The following BICRA variants were observed in gnomAD, a reference collection of about 807,000 sequenced individuals.
The protein encoded by BICRA is BRD4 interacting chromatin remodeling complex associated protein.
BICRA carries 31 observed loss-of-function variants against 96.9 expected under a neutral mutation model. That is an observed-to-expected ratio of 0.32 (90% CI 0.24 to 0.43). The LOEUF is 0.43. Ranked by LOEUF, BICRA falls within the 20% of genes least tolerant of loss-of-function variation. BICRA has a pLI of 1.00. For synonymous variants in BICRA, 1,350 were observed against 1,071.8 expected, an observed-to-expected ratio of 1.26 and a Z score of -5.07; for missense variants, 2,283 against 2,190.3, an observed-to-expected ratio of 1.04 and a Z score of -0.84.
At chr19:47,654,314 T>C (rs1972582673) in intron 1 of BICRA, among the ~76,000 whole-genome samples, 1 of 152,160 alleles carries the variant, frequency 6.6e-6, no homozygotes, top group South Asian at 2.1e-4. Flanking sequence ...TGGCCATTTG[T>C]ATACCTCTTT....
chr19:47,625,156 C>T (rs879426610), intron 1 of BICRA, among the ~76,000 whole-genome samples: 9 of 151,666 alleles, frequency 5.9e-5, no homozygotes, highest in African/African-American at 2.2e-4. Context: ...TGAGCCACCA[C>T]GCCCAGCTAA....
chr19:47,612,535 C>T (rs962377338), intron 1 of BICRA, among the ~76,000 whole-genome samples: 3 of 152,188 alleles, frequency 2.0e-5, no homozygotes, highest in African/African-American at 4.8e-5. Context: ...TTCAGTGACA[C>T]GCACCCTCTG....
Position 47,679,645 on chromosome 19 carries a change from C to T in BICRA, c.475C>T (p.Leu159Phe), listed in dbSNP as rs1158601666. The part of the protein sequence containing the change: ...AAAVAAGPQA[L>F]FPGSTDLLGL... ...GGCCGTGGCTGCGGGGCCCCAAGCC[C>T]TCTTCCCAGGCAGCACCGACCTGCT... is the stretch of plus-strand genomic sequence containing the variant. The change falls in exon 6 of 15, where the codon CTC becomes TTC. Residue 159 changes from leucine to phenylalanine, a missense_variant. Leu to Phe is a conservative substitution (Grantham distance 22). Transcript: ENST00000594866. The T allele has an allele frequency of 1.1e-5, 16 of 1,512,604 alleles. No homozygotes were observed. Among genetic ancestry groups the T allele is most frequent in the African/African-American group, 1.4e-5 (1 of 71,846 alleles). The allele number at this position is 1,512,604 out of a possible 1,614,324, so 93.7% of individuals were successfully genotyped here. A position where few individuals can be genotyped will look rare whatever the true frequency, so the allele number is the denominator to read the frequency against.
chr19:47,699,403 CG>C lies in BICRA; in HGVS notation c.3595+1del. The C allele has an allele frequency of 6.6e-7, 1 of 1,506,494 alleles. No homozygotes were observed. Among genetic ancestry groups the C allele is most frequent in the Non-Finnish European group, 9.1e-7 (1 of 1,103,832 alleles). The allele number at this position is 1,506,494 out of a possible 1,614,324, so 93.3% of individuals were successfully genotyped here. A position where few individuals can be genotyped will look rare whatever the true frequency, so the allele number is the denominator to read the frequency against. On this transcript the variant is annotated frameshift_variant and splice_region_variant, in exon 14 of 15. Transcript: ENST00000594866. LOFTEE classifies it high-confidence loss of function. The surrounding 1 kb of genome is among the most constrained non-coding windows in gnomAD (Gnocchi z 5.0). The stretch of plus-strand genomic sequence containing the variant: ...GATAAACAGCTGGCCAAGGAGAAGC[CG>C]GGTGAGAGGGGGGAGTGAGAGGGGA... ...ALDKQLAKEK[P>X]DEYVSSSRSL... is the part of the protein sequence containing the mutation.
intron 7 of BICRA, among the ~76,000 whole-genome samples, chr19:47,683,278 C>T (rs1219844580): frequency 5.3e-5 from 8 of 151,882 alleles, no homozygotes; most frequent in Non-Finnish European, 5.9e-5. Flanking sequence ...TTTCCCCCGC[C>T]CCCCGCAACC....
intron 1 of BICRA, among the ~76,000 whole-genome samples, chr19:47,613,255 C>T (rs769944305): frequency 2.0e-5 from 3 of 152,112 alleles, no homozygotes; most frequent in Admixed American, 2.0e-4. Context: ...ACCTTGTAGC[C>T]CAGGTCTAGC....
At chr19:47,642,842 G>A (rs555366347) in intron 1 of BICRA, among the ~76,000 whole-genome samples, 2 of 152,336 alleles carry the variant, frequency 1.3e-5, no homozygotes, top group East Asian at 3.9e-4. Context: ...TCTTTATAAT[G>A]TCAGACGTTC....
chr19:47,691,269 C>G (rs1328702570), intron 7 of BICRA, among the ~76,000 whole-genome samples: 2 of 152,124 alleles, frequency 1.3e-5, no homozygotes, highest in Non-Finnish European at 2.9e-5. Context: ...CCAATAGAAA[C>G]AGACAGAATG....
rs374609233 is a variant in BICRA, at chr19:47,698,825, C to A, written c.3397+43C>A. The A allele has an allele frequency of 2.6e-6, 4 of 1,517,254 alleles. No homozygotes were observed. Among genetic ancestry groups the A allele is most frequent in the Non-Finnish European group, 3.6e-6 (4 of 1,112,338 alleles). The allele number at this position is 1,517,254 out of a possible 1,614,324, so 94.0% of individuals were successfully genotyped here. On this transcript the variant is annotated intron_variant, in intron 12 of 14. Transcript: ENST00000594866. The surrounding 1 kb of genome is among the most constrained non-coding windows in gnomAD (Gnocchi z 4.8). ...CACGGCCCTATATGTCCCAGGGGACCCCAGCCCGTGGGGCGGGGCGTCGCC... is the reference window on the plus strand; with the variant it reads ...CACGGCCCTATATGTCCCAGGGGACACCAGCCCGTGGGGCGGGGCGTCGCC...
At chr19:47,616,814 A>C (rs1013273653) in intron 1 of BICRA, among the ~76,000 whole-genome samples, 2 of 151,408 alleles carry the variant, frequency 1.3e-5, no homozygotes, top group African/African-American at 4.8e-5. Context: ...TTTGATTCTT[A>C]TTATCTTTTA....
chr19:47,694,849 C>T, intron 8 of BICRA, 51 bp from the exon 9 acceptor site: 1 of 1,351,646 alleles, frequency 7.4e-7, no homozygotes, highest in East Asian at 2.3e-5. Context: ...TCTGGACACC[C>T]CTACACCTAG....
chr19:47,701,791 G>T lies in BICRA; in HGVS notation c.4059G>T (p.Pro1353=), dbSNP rs1362322813. 2.2e-5 allele frequency: 34 copies of T among 1,534,680 alleles called. No homozygotes were observed. Among genetic ancestry groups the T allele is most frequent in the Non-Finnish European group, 2.9e-5 (33 of 1,142,384 alleles). The change falls in exon 15 of 15, where the codon CCG becomes CCT. Residue 1353 remains proline, a synonymous_variant. Transcript: ENST00000594866. This position sits in a 1 kb window ranked among gnomAD's most constrained non-coding sequence, Gnocchi z 5.4. ...AEPPPRPPPP[P]PPTGQMNGTV... is the part of the protein sequence containing the mutation. The stretch of plus-strand genomic sequence containing the variant: ...CCCCGCCACGGCCGCCACCACCACC[G>T]CCGCCCACGGGCCAGATGAACGGCA...
chr19:47,677,409 C>T (rs1375545852), intron 5 of BICRA, among the ~76,000 whole-genome samples: 1 of 152,124 alleles, frequency 6.6e-6, no homozygotes. Flanking sequence ...ACTTAAAAAG[C>T]ATTGAGGCTG....
In BICRA at chr19:47,681,924, T is replaced by C; in HGVS notation, c.2107-52T>C. On this transcript the variant is annotated intron_variant, in intron 6 of 14. Transcript: ENST00000594866. ...GGGGCAGGGGTCTCGGGTGGGGAGG[T>C]CGAGGGCCTGTGGGGGCGGCTTTCT... 5 of 1,297,646 alleles carry C rather than the reference T, an allele frequency of 3.9e-6. No individual in the cohort carries two copies. In the South Asian group the frequency reaches 6.7e-5, roughly 17 times the overall value. 80.4% of individuals were successfully genotyped at this position (1,297,646 alleles called of 1,614,324 possible).
chr19:47,637,949 T>C (rs1209867644), intron 1 of BICRA, among the ~76,000 whole-genome samples: 1 of 152,182 alleles, frequency 6.6e-6, no homozygotes, highest in Non-Finnish European at 1.5e-5. Context: ...TGGATGGACA[T>C]TGGGTCCATT....
At chr19:47,629,540 C>T (rs965464064) in intron 1 of BICRA, among the ~76,000 whole-genome samples, 4 of 152,330 alleles carry the variant, frequency 2.6e-5, no homozygotes, top group African/African-American at 9.6e-5. Flanking sequence ...TATTCCGTTG[C>T]ATGAATAGAC....
intron 1 of BICRA, among the ~76,000 whole-genome samples, chr19:47,667,903 C>T (rs910267880): frequency 3.9e-4 from 59 of 152,112 alleles, no homozygotes; most frequent in Non-Finnish European, 3.2e-4. Context: ...TGGTGAAGGG[C>T]GAGGCCTCTG....
chr19:47,629,890 T>G (rs1468021599), intron 1 of BICRA, among the ~76,000 whole-genome samples: 1 of 152,182 alleles, frequency 6.6e-6, no homozygotes, highest in Non-Finnish European at 1.5e-5. Flanking sequence ...ACTCCTGACC[T>G]CAGGTGATCC....
At chr19:47,621,193 A>C (rs1474247188) in intron 1 of BICRA, among the ~76,000 whole-genome samples, 3 of 152,152 alleles carry the variant, frequency 2.0e-5, no homozygotes, top group Non-Finnish European at 4.4e-5. Context: ...TTCCTGGGCT[A>C]AGCAGCCATC....
Sources: allele counts gnomAD v4.1 joint callset (sites outside exome capture counted in the v4.1 genomes callset), GRCh38; gene constraint gnomAD v4.1.1; non-coding constraint Gnocchi (gnomAD v3.1); transcripts MANE v1.5; gene names NCBI Gene and HGNC (gene_info 2026-07-23, HGNC 2026-07-21).